The following CHAMP1 variants were observed in gnomAD, a reference collection of about 807,000 sequenced individuals.
The protein encoded by CHAMP1 is chromosome alignment-maintaining phosphoprotein 1.
Under a neutral mutation model 54.5 loss-of-function variants are expected in CHAMP1, and 4 were observed. The ratio of observed to expected loss-of-function variants is 0.07; its 90% CI spans 0.04 to 0.17. CHAMP1 has a LOEUF of 0.17. CHAMP1 is among the 10% of genes least tolerant of loss of function. The pLI is 1.00. For missense variants in CHAMP1, 994 were observed against 968.6 expected (o/e 1.03, Z -0.35); for synonymous variants, 368 against 342.2 (o/e 1.08, Z -0.83).
At chr13:114,319,537 G>A (rs557243970) in intron 1 of CHAMP1, among the ~76,000 whole-genome samples, 1 of 152,286 alleles carries the variant, frequency 6.6e-6, no homozygotes, top group Admixed American at 6.5e-5. Flanking sequence ...GGGAAGAAGT[G>A]GGGAATTGAC....
At chr13:114,318,510 G>T (rs1323009353) in intron 1 of CHAMP1, among the ~76,000 whole-genome samples, 1 of 151,964 alleles carries the variant, frequency 6.6e-6, no homozygotes, top group East Asian at 1.9e-4. Flanking sequence ...GTTTTGTAGA[G>T]ACGGGGTTTC....
At chr13:114,320,752 C>A (rs919093434) in intron 1 of CHAMP1, among the ~76,000 whole-genome samples, 5 of 152,026 alleles carry the variant, frequency 3.3e-5, no homozygotes, top group Admixed American at 6.5e-5. Context: ...GTCAGGAGAT[C>A]GAGACCATCC....
rs201032426 is a variant in CHAMP1, at chr13:114,323,859, A to G, written c.17A>G (p.Glu6Gly). 4.4e-6 allele frequency: 7 copies of G among 1,603,112 alleles called. No individual in the cohort carries two copies. The East Asian group carries it at 1.3e-4, about 31-fold the overall frequency. The stretch of plus-strand genomic sequence containing the variant: ...GACAGAAGAATGGAAGCATTCCAGG[A>G]ACTTCGTAAACCATCAGCACGTTTG... MEAFQELRKPSARLEC... is the reference protein window; with the variant it reads MEAFQGLRKPSARLEC... The change falls in exon 3 of 3, where the codon GAA (glutamate) becomes GGA (glycine). Residue 6 changes from glutamate to glycine, a missense_variant. Glu to Gly is a moderately conservative substitution (Grantham distance 98, BLOSUM62 -2). Transcript: ENST00000361283.
At chr13:114,319,073 T>C (rs999453466) in intron 1 of CHAMP1, among the ~76,000 whole-genome samples, 3 of 152,062 alleles carry the variant, frequency 2.0e-5, no homozygotes, top group Admixed American at 6.5e-5. Context: ...TTTTGGACTA[T>C]TGTACAGGCT....
chr13:114,323,674 T>C (rs1233989246), intron 2 of CHAMP1, 114 bp from the exon 3 acceptor site: 2 of 826,092 alleles, frequency 2.4e-6, no homozygotes, highest in Admixed American at 3.3e-5. Context: ...AGAGATACTA[T>C]CAAATAAAGC....
chr13:114,317,348 A>T (rs1038160630), intron 1 of CHAMP1, among the ~76,000 whole-genome samples: 1 of 150,024 alleles, frequency 6.7e-6, no homozygotes, highest in African/African-American at 2.4e-5. Context: ...CTTAAAGGCC[A>T]GGCATGGTAG....
intron 2 of CHAMP1, 38 bp from the exon 3 acceptor site, chr13:114,323,750 A>G (rs1024277494): frequency 6.9e-7 from 1 of 1,458,416 alleles, no homozygotes; most frequent in Admixed American, 2.3e-5. Context: ...ATTCAGAATT[A>G]CAGTTCATGA....
At position 114,325,906 on chromosome 13, in the gene CHAMP1, A is replaced by G. The variant is rs2087245116; in HGVS notation, c.2064A>G (p.Glu688=). The stretch of plus-strand genomic sequence containing the variant: ...GAAATGTGCTACAGTTTACTGAAGA[A>G]AAAGAAGCTTTTATCTCTGAAGAGG... The part of the protein sequence containing the change: ...QSRNVLQFTE[E]KEAFISEEEI... The change falls in exon 3 of 3, where the codon GAA becomes GAG. Residue 688 remains glutamate, a synonymous_variant. Coordinates refer to ENST00000361283, the MANE Select transcript of CHAMP1 (RefSeq NM_032436.4). 59 of 1,613,980 alleles carry G rather than the reference A, an allele frequency of 3.7e-5. No homozygotes were observed. Among genetic ancestry groups the G allele is most frequent in the Non-Finnish European group, 4.8e-5 (57 of 1,179,968 alleles).
intron 1 of CHAMP1, among the ~76,000 whole-genome samples, chr13:114,316,312 T>C (rs1056859340): frequency 1.3e-4 from 19 of 151,418 alleles, no homozygotes; most frequent in Non-Finnish European, 2.1e-4. Flanking sequence ...TACAGGCGCC[T>C]GCCACCACAC....
chr13:114,321,004 T>C (rs1555379054), intron 1 of CHAMP1, 106 bp from the exon 2 acceptor site: 1 of 150,892 alleles, frequency 6.6e-6, no homozygotes, highest in African/African-American at 2.4e-5. Flanking sequence ...CCTCTCACTG[T>C]TAGGGCAGGA....
chr13:114,325,621 T>C lies in CHAMP1; in HGVS notation c.1779T>C (p.Asp593=). The change falls in exon 3 of 3, where the codon GAT becomes GAC. Residue 593 remains aspartate (D), a synonymous_variant. Coordinates refer to ENST00000361283, the MANE Select transcript of CHAMP1 (RefSeq NM_032436.4). ...QIDAIDDQKC[D]ILVQEELLAS... ...ATGCCATAGATGATCAAAAATGTGATATTTTGGTTCAGGAAGAACTTCTAG... is the reference window on the plus strand; with the variant it reads ...ATGCCATAGATGATCAAAAATGTGACATTTTGGTTCAGGAAGAACTTCTAG... The C allele has an allele frequency of 6.2e-7, 1 of 1,614,200 alleles. No individual in the cohort carries two copies. Among genetic ancestry groups the C allele is most frequent in the Admixed American group, 1.7e-5 (1 of 60,030 alleles).
chr13:114,324,912 G>T lies in CHAMP1; in HGVS notation c.1070G>T (p.Gly357Val), dbSNP rs781986895. The T allele has an allele frequency of 6.2e-7, 1 of 1,613,972 alleles. No homozygotes were observed. The highest frequency in any genetic ancestry group is 1.7e-5 in the Admixed American group (1 of 60,014). The change falls in exon 3 of 3, where the codon GGA becomes GTA. Residue 357 changes from glycine to valine, a missense_variant. Physicochemically the swap from Gly to Val is moderately radical, Grantham distance 109. Around this residue, in one of 3 missense-constraint regions of CHAMP1, gnomAD observed 851 missense variants for 701.3 expected, o/e 1.21. Transcript: ENST00000361283. ...PWKPIPSVSP[G>V]PWKPTPSVSS... ...AAACCAATTCCTTCTGTATCTCCTG[G>T]ACCTTGGAAACCAACTCCATCTGTG...
chr13:114,326,417 C>A lies in CHAMP1; in HGVS notation c.*136C>A, dbSNP rs1456309274. 2.0e-6 allele frequency: 2 copies of A among 1,007,432 alleles called. No homozygotes were observed. Among genetic ancestry groups the A allele is most frequent in the Non-Finnish European group, 2.8e-6 (2 of 720,346 alleles). The allele number at this position is 1,007,432 out of a possible 1,614,324, so 62.4% of individuals were successfully genotyped here. A position where few individuals can be genotyped will look rare whatever the true frequency, so the allele number is the denominator to read the frequency against. On this transcript the variant is annotated 3_prime_UTR_variant, in exon 3 of 3. Transcript: ENST00000361283. ...GTGTTTCACTGTCTCAGTTGTGTTACTAAGAATGAGCATTTGATCATTTTT... is the reference window on the plus strand; with the variant it reads ...GTGTTTCACTGTCTCAGTTGTGTTAATAAGAATGAGCATTTGATCATTTTT...
Position 114,324,818 on chromosome 13 carries a change from A to G in CHAMP1, c.976A>G (p.Asn326Asp). ...PPGSPRPWKS[N>D]PSASSGPWKP... Reference sequence around the variant, plus strand: ...TGGGTCCCCTAGGCCTTGGAAATCCAATCCTTCAGCATCATCAGGACCTTG... The same window carrying G: ...TGGGTCCCCTAGGCCTTGGAAATCCGATCCTTCAGCATCATCAGGACCTTG... Residue 326 changes from asparagine (N) to aspartate (D), a missense_variant, in exon 3 of 3, where the codon AAT becomes GAT. Transcript: ENST00000361283. 1 of 1,613,894 alleles carries G rather than the reference A, an allele frequency of 6.2e-7. No homozygotes were observed. The highest frequency in any genetic ancestry group is 8.5e-7 in the Non-Finnish European group (1 of 1,179,942).
At chr13:114,317,529 C>T (rs1566788043) in intron 1 of CHAMP1, among the ~76,000 whole-genome samples, 1 of 151,814 alleles carries the variant, frequency 6.6e-6, no homozygotes, top group Non-Finnish European at 1.5e-5. Context: ...GAGGCTGAGG[C>T]GGGGGGATCT....
Position 114,314,545 on chromosome 13 carries a change from A to G in CHAMP1, c.-277A>G, listed in dbSNP as rs1041237784. The stretch of plus-strand genomic sequence containing the variant: ...CTCCTGCATCCAGTCGCCATTCGGG[A>G]GGCCGCTGCGCTGCAGGGCCTCGCG... On this transcript the variant is annotated 5_prime_UTR_variant, in exon 1 of 3. Coordinates refer to ENST00000361283, the MANE Select transcript of CHAMP1 (RefSeq NM_032436.4). The G allele has an allele frequency of 2.0e-5, 3 of 151,608 alleles. No homozygotes were observed. Among genetic ancestry groups the G allele is most frequent in the Non-Finnish European group, 4.4e-5 (3 of 67,834 alleles). The allele number at this position is 151,608 out of a possible 1,614,324, so 9.4% of individuals were successfully genotyped here. A position where few individuals can be genotyped will look rare whatever the true frequency, so the allele number is the denominator to read the frequency against.
rs1459382186 is a variant in CHAMP1, at chr13:114,326,491, A to G, written c.*210A>G. 5 of 507,090 alleles carry G rather than the reference A, an allele frequency of 9.9e-6. No homozygotes were observed. In the East Asian group the frequency reaches 9.9e-5, roughly 10 times the overall value. The allele number at this position is 507,090 out of a possible 1,614,324, so 31.4% of individuals were successfully genotyped here. On this transcript the variant is annotated 3_prime_UTR_variant, in exon 3 of 3. Coordinates refer to ENST00000361283, the MANE Select transcript of CHAMP1 (RefSeq NM_032436.4). ...ATCTTGTAAGTCAATAAATTTCTGTATAGTCCAGATGGATTAAACTTCTCA... is the reference window on the plus strand; with the variant it reads ...ATCTTGTAAGTCAATAAATTTCTGTGTAGTCCAGATGGATTAAACTTCTCA...
chr13:114,324,945 C>T lies in CHAMP1; in HGVS notation c.1103C>T (p.Ala368Val). 3.1e-6 allele frequency: 5 copies of T among 1,614,150 alleles called. No homozygotes were observed. Among genetic ancestry groups the T allele is most frequent in the African/African-American group, 1.3e-5 (1 of 75,026 alleles). The change falls in exon 3 of 3, where the codon GCA becomes GTA. Residue 368 changes from alanine (A) to valine (V), a missense_variant. By Grantham distance (64) the Ala-to-Val change is moderately conservative. Transcript: ENST00000361283. ...PWKPTPSVSS[A>V]SWKSSSVSPS... is the part of the protein sequence containing the mutation. ...AAACCAACTCCATCTGTGTCTTCTGCATCCTGGAAATCTTCATCAGTCTCA... is the reference window on the plus strand; with the variant it reads ...AAACCAACTCCATCTGTGTCTTCTGTATCCTGGAAATCTTCATCAGTCTCA...
Position 114,324,557 on chromosome 13 carries a change from C to T in CHAMP1, c.715C>T (p.Pro239Ser). 2 of 1,614,132 alleles carry T rather than the reference C, an allele frequency of 1.2e-6. No individual in the cohort carries two copies. The highest frequency in any genetic ancestry group is 1.3e-5 in the African/African-American group (1 of 75,030). Residue 239 changes from proline to serine, a missense_variant, in exon 3 of 3, where the codon CCA becomes TCA. By Grantham distance (74) the Pro-to-Ser change is moderately conservative. This residue lies in a region of CHAMP1 where 851 missense variants were observed against 701.3 expected (regional missense o/e 1.21). Coordinates refer to ENST00000361283, the MANE Select transcript of CHAMP1 (RefSeq NM_032436.4). The stretch of plus-strand genomic sequence containing the variant: ...GTCTCATTTCCCGGAAACATTGGGG[C>T]CACCTTCAGCCTCATCTCCAGAGTC... ...KQSHFPETLG[P>S]PSASSPESPV...
Sources: allele counts gnomAD v4.1 joint callset (sites outside exome capture counted in the v4.1 genomes callset), GRCh38; gene constraint gnomAD v4.1.1; regional missense constraint gnomAD v4.1.1; transcripts MANE v1.5; gene names NCBI Gene and HGNC (gene_info 2026-07-23, HGNC 2026-07-21).